KLHL15: variants seen among roughly 807,000 people sequenced by gnomAD.
KLHL15 encodes the protein kelch-like protein 15.
Under a neutral mutation model 29.3 loss-of-function variants are expected in KLHL15, and 1 was observed. The ratio of observed to expected loss-of-function variants is 0.03; its 90% CI spans 0.01 to 0.16. KLHL15 has a LOEUF of 0.16. KLHL15 is among the 10% of genes least tolerant of loss of function. The pLI, the probability that KLHL15 is intolerant of heterozygous loss-of-function variation, is 1.00. For synonymous variants in KLHL15, 212 were observed against 184.5 expected, an observed-to-expected ratio of 1.15 and a Z score of -1.21; for missense variants, 215 against 478.5, an observed-to-expected ratio of 0.45 and a Z score of 5.14.
rs1304968521 is a variant in KLHL15, at chrX:23,988,292, T to C, written c.1444A>G (p.Lys482Glu). The part of the protein sequence containing the change: ...SKMNYARCFH[K>E]MISYNGKLYV... ...AGCTTGCCATTGTAAGAAATCATCT[T>C]GTGAAAGCATCTCGCGTAATTCATC... Residue 482 changes from lysine to glutamate, a missense_variant, in exon 4 of 4, where the codon AAG becomes GAG. Lys to Glu is a moderately conservative substitution (Grantham distance 56, BLOSUM62 1). Coordinates refer to ENST00000328046, the MANE Select transcript of KLHL15 (RefSeq NM_030624.3). 8.3e-7 allele frequency: 1 copy of C among 1,209,433 alleles called. No homozygotes were observed. Among genetic ancestry groups the C allele is most frequent in the Non-Finnish European group, 1.1e-6 (1 of 895,087 alleles).
At chrX:24,024,733 G>A (rs183849948) in intron 2 of KLHL15, 124 bp downstream of exon 2, 49 of 295,829 alleles carry the variant, frequency 1.7e-4, no homozygotes, top group African/African-American at 1.1e-3. Context: ...GACAAACGAG[G>A]TCCCGGCGTC....
At chrX:24,017,677 A>G (rs1929716062) in intron 2 of KLHL15, among the ~76,000 whole-genome samples, 1 of 104,015 alleles carries the variant, frequency 9.6e-6, no homozygotes, top group South Asian at 4.5e-4. Context: ...GCTACTCAGG[A>G]GGCTGAGGTC....
At chrX:24,012,701 T>C (rs766827711) in intron 2 of KLHL15, among the ~76,000 whole-genome samples, 1 of 111,493 alleles carries the variant, frequency 9.0e-6, no homozygotes, top group Non-Finnish European at 1.9e-5. Flanking sequence ...TTTGGTATGA[T>C]CCCATTTTGA....
At chrX:24,012,638 A>T (rs1929598829) in intron 2 of KLHL15, among the ~76,000 whole-genome samples, 1 of 112,038 alleles carries the variant, frequency 8.9e-6, no homozygotes, top group African/African-American at 3.2e-5. Flanking sequence ...TCCTTACTCC[A>T]GTCCATATAT....
At chrX:24,015,663 T>C (rs1457627981) in intron 2 of KLHL15, among the ~76,000 whole-genome samples, 2 of 112,452 alleles carry the variant, frequency 1.8e-5, no homozygotes, top group African/African-American at 6.5e-5. Context: ...TTATTAGCTC[T>C]GTGATATTGG....
intron 3 of KLHL15, 151 bp from the exon 4 acceptor site, chrX:23,989,181 CT>C: frequency 2.1e-6 from 1 of 476,445 alleles, no homozygotes; most frequent in Non-Finnish European, 3.3e-6. Context: ...TTCTACAAAG[CT>C]TTTAAAAAAT....
At chrX:23,994,741 A>G (rs1929151492) in intron 3 of KLHL15, among the ~76,000 whole-genome samples, 1 of 112,250 alleles carries the variant, frequency 8.9e-6, no homozygotes, top group South Asian at 3.6e-4. Flanking sequence ...TTGCTTTGAT[A>G]CTTTAAAAAA....
intron 3 of KLHL15, among the ~76,000 whole-genome samples, chrX:23,991,243 CT>C (rs1029157705): frequency 6.5e-5 from 7 of 108,053 alleles, no homozygotes; most frequent in African/African-American, 2.4e-4. Flanking sequence ...ACTCCAGCTA[CT>C]CAAGAGGCTG....
Position 23,984,820 on chromosome X carries a change from C to T in KLHL15, c.*3101G>A, listed in dbSNP as rs1014103708. The T allele has an allele frequency of 1.8e-5, 2 of 112,013 alleles. No homozygotes were observed. Among genetic ancestry groups the T allele is most frequent in the African/African-American group, 3.2e-5 (1 of 30,927 alleles). 9.2% of individuals were successfully genotyped at this position (112,013 alleles called of 1,213,427 possible). A position where few individuals can be genotyped will look rare whatever the true frequency, so the allele number is the denominator to read the frequency against. On this transcript the variant is annotated 3_prime_UTR_variant, in exon 4 of 4. Transcript: ENST00000328046. Reference sequence around the variant, plus strand: ...AAAGCGTGTGTCCTTTACTATGACTCGAGCAGGCTTCCCAGAATGAGGTGT... The same window carrying T: ...AAAGCGTGTGTCCTTTACTATGACTTGAGCAGGCTTCCCAGAATGAGGTGT...
intron 3 of KLHL15, among the ~76,000 whole-genome samples, chrX:23,999,436 A>G: frequency 9.3e-6 from 1 of 107,937 alleles, no homozygotes; most frequent in Non-Finnish European, 1.9e-5. Flanking sequence ...TCTACTAAAA[A>G]TACAAGAAAT....
At chrX:23,997,969 A>C (rs1366227121) in intron 3 of KLHL15, among the ~76,000 whole-genome samples, 1 of 109,197 alleles carries the variant, frequency 9.2e-6, no homozygotes, top group Non-Finnish European at 1.9e-5. Flanking sequence ...CCGAGGTAGA[A>C]AATAATGTTT....
At chrX:24,024,475 A>AT (rs745616570) in intron 2 of KLHL15, among the ~76,000 whole-genome samples, 1 of 111,410 alleles carries the variant, frequency 9.0e-6, no homozygotes, top group South Asian at 3.7e-4. Flanking sequence ...TCGGTACGCG[A>AT]TTTTTTCTCA....
chrX:24,018,519 G>A (rs777082575), intron 2 of KLHL15, among the ~76,000 whole-genome samples: 1 of 109,355 alleles, frequency 9.1e-6, no homozygotes, highest in Admixed American at 9.9e-5. Flanking sequence ...ACTGAAGAAC[G>A]TGTCTTGTTT....
Position 24,005,374 on chromosome X carries a change from T to G in KLHL15, c.705+615A>C, listed in dbSNP as rs1929425835. ...GAGTTATAGTCTACTTGTTTAGAAA[T>G]GCCAAAATGATGTTTTTAGACATAT... On this transcript the variant is annotated intron_variant, in intron 3 of 3. Transcript: ENST00000328046. Among the ~76,000 whole-genome samples, 6 of 112,297 alleles carry G rather than the reference T, an allele frequency of 5.3e-5. No individual in the cohort carries two copies. The Admixed American group carries it at 5.7e-4, about 11-fold the overall frequency.
At chrX:23,998,074 G>T (rs901662133) in intron 3 of KLHL15, among the ~76,000 whole-genome samples, 2 of 111,203 alleles carry the variant, frequency 1.8e-5, no homozygotes, top group African/African-American at 6.5e-5. Context: ...TGATTCTCCT[G>T]CCTCAGCCTC....
At position 23,985,231 on chromosome X, in the gene KLHL15, A is replaced by G. The variant is rs1928964726; in HGVS notation, c.*2690T>C. ...ATAAAGGTCATAACAGTTAAACTGT[A>G]TAGATTCAAATCTTACTGAATTTTT... On this transcript the variant is annotated 3_prime_UTR_variant, in exon 4 of 4. Transcript: ENST00000328046. The G allele has an allele frequency of 1.8e-5, 2 of 112,063 alleles. No individual in the cohort carries two copies. Among genetic ancestry groups the G allele is most frequent in the Middle Eastern group, 4.6e-3 (1 of 217 alleles). 9.2% of individuals were successfully genotyped at this position (112,063 alleles called of 1,213,427 possible). A position where few individuals can be genotyped will look rare whatever the true frequency, so the allele number is the denominator to read the frequency against.
At chrX:24,013,270 T>A (rs111587830) in intron 2 of KLHL15, among the ~76,000 whole-genome samples, 1,289 of 107,120 alleles carry the variant, frequency 0.012, 24 homozygotes, top group African/African-American at 0.041. Flanking sequence ...TAAAAAAAAA[T>A]TTTTTTTTTT....
intron 2 of KLHL15, among the ~76,000 whole-genome samples, chrX:24,011,957 T>C (rs1395351438): frequency 8.9e-6 from 1 of 112,534 alleles, no homozygotes; most frequent in Non-Finnish European, 1.9e-5. Context: ...AAGACCAGCC[T>C]GGCCAACATG....
rs140125636 is a variant in KLHL15, at chrX:23,988,635, T to C, written c.1101A>G (p.Val367=). 6 of 1,211,720 alleles carry C rather than the reference T, an allele frequency of 5.0e-6. No individual in the cohort carries two copies. Among genetic ancestry groups the C allele is most frequent in the Non-Finnish European group, 6.7e-6 (6 of 895,508 alleles). Residue 367 remains valine, a synonymous_variant, in exon 4 of 4, where the codon GTA becomes GTG. Coordinates refer to ENST00000328046, the MANE Select transcript of KLHL15 (RefSeq NM_030624.3). Reference sequence around the variant, plus strand: ...CACCTACAGCAAATTCAGAGCGTGGTACAGACATATCTGCCATCTGCAGCC... The same window carrying C: ...CACCTACAGCAAATTCAGAGCGTGGCACAGACATATCTGCCATCTGCAGCC... ...NSWLQMADMS[V]PRSEFAVGVI... is the part of the protein sequence containing the mutation.
Sources: gnomAD v4.1 joint callset for allele counts (sites outside exome capture counted in the v4.1 genomes callset) on GRCh38, gnomAD v4.1.1 for gene constraint, MANE v1.5 for transcripts, NCBI Gene and HGNC (gene_info 2026-07-23, HGNC 2026-07-21) for gene names.